Variants in PKN2 observed in about 807,000 individuals in gnomAD.
PKN2 encodes the protein protein kinase N2.
A neutral mutation model predicts 119.1 loss-of-function variants in PKN2; 38 were observed. The ratio of observed to expected loss-of-function variants is 0.32; its 90% CI spans 0.25 to 0.42. The LOEUF is 0.42. PKN2 is among the 10% of genes least tolerant of loss of function. The pLI is 1.00. For missense variants in PKN2, 850 were observed against 1,165.1 expected, an observed-to-expected ratio of 0.73 and a Z score of 3.94; for synonymous variants, 390 against 384.9, an observed-to-expected ratio of 1.01 and a Z score of -0.15.
intron 8 of PKN2, among the ~76,000 whole-genome samples, chr1:88,791,870 A>T (rs1670855655): frequency 6.6e-6 from 1 of 152,218 alleles, no homozygotes; most frequent in Non-Finnish European, 1.5e-5. Flanking sequence ...TCCCTAGAAA[A>T]GGATAAAAAT....
At chr1:88,732,298 A>T (rs1668171920) in intron 1 of PKN2, among the ~76,000 whole-genome samples, 1 of 152,236 alleles carries the variant, frequency 6.6e-6, no homozygotes, top group Admixed American at 6.5e-5. Context: ...TCAAAAAAAT[A>T]GAGAAAACAT....
At chr1:88,696,449 G>A (rs17130578) in intron 1 of PKN2, among the ~76,000 whole-genome samples, 15,431 of 152,150 alleles carry the variant, frequency 0.1, 1,513 homozygotes, top group African/African-American at 0.26. Context: ...ACTGCTTTAT[G>A]TCTCTGTATA....
intron 16 of PKN2, chr1:88,816,955 A>G (rs969054065): frequency 6.6e-5 from 10 of 152,328 alleles, no homozygotes; most frequent in African/African-American, 2.4e-4. Context: ...TTCACAGCCA[A>G]ATTCTACCAC....
chr1:88,833,532 A>G lies in PKN2; in HGVS notation c.*84A>G, dbSNP rs1437229849. On this transcript the variant is annotated 3_prime_UTR_variant, in exon 22 of 22. Coordinates refer to ENST00000370521, the MANE Select transcript of PKN2 (RefSeq NM_006256.4). ...CCTTCATTTGCTCTCTGTGCCACCA[A>G]TAGCTTCTGAGTTTTTTGTTGTTGT... 4.0e-6 allele frequency: 4 copies of G among 1,000,604 alleles called. No homozygotes were observed. The highest frequency in any genetic ancestry group is 4.8e-5 in the East Asian group (2 of 41,576). The allele number at this position is 1,000,604 out of a possible 1,614,324, so 62.0% of individuals were successfully genotyped here.
At chr1:88,768,742 T>C in intron 3 of PKN2, among the ~76,000 whole-genome samples, 1 of 152,212 alleles carries the variant, frequency 6.6e-6, no homozygotes, top group East Asian at 1.9e-4. Flanking sequence ...TAAGCAGAGG[T>C]ATGCTCTTGC....
chr1:88,745,441 A>G (rs1668733957), intron 2 of PKN2, among the ~76,000 whole-genome samples: 1 of 152,224 alleles, frequency 6.6e-6, no homozygotes, highest in South Asian at 2.1e-4. Context: ...AAATCAGCAT[A>G]CAAAAGTCAG....
chr1:88,691,471 T>G (rs535116638), intron 1 of PKN2, among the ~76,000 whole-genome samples: 2 of 152,344 alleles, frequency 1.3e-5, no homozygotes, highest in South Asian at 4.1e-4. Context: ...AGAATTTTCA[T>G]TGAACAAATT....
chr1:88,721,138 C>T (rs1340620973), intron 1 of PKN2, among the ~76,000 whole-genome samples: 1 of 151,826 alleles, frequency 6.6e-6, no homozygotes. Flanking sequence ...GGGTAGATAC[C>T]CAGTAGTGGG....
intron 15 of PKN2, among the ~76,000 whole-genome samples, chr1:88,808,214 A>AT (rs915008507): frequency 3.3e-5 from 5 of 151,818 alleles, no homozygotes; most frequent in Non-Finnish European, 7.4e-5. Context: ...TTTTCCTTTT[A>AT]TTTTTTTTAA....
At chr1:88,741,388 T>C (rs970092070) in intron 2 of PKN2, 100 bp downstream of exon 2, 1 of 740,882 alleles carries the variant, frequency 1.3e-6, no homozygotes. Context: ...GTTTTTAGCT[T>C]TTCTGAAAGT....
intron 6 of PKN2, among the ~76,000 whole-genome samples, chr1:88,774,328 G>A (rs71666204): frequency 0.033 from 4,953 of 152,232 alleles, 130 homozygotes; most frequent in Non-Finnish European, 0.056. Flanking sequence ...CTCCAGCCTT[G>A]TGCCCCTCCC....
At chr1:88,824,951 C>T (rs1274890049) in intron 18 of PKN2, among the ~76,000 whole-genome samples, 2 of 152,178 alleles carry the variant, frequency 1.3e-5, no homozygotes, top group African/African-American at 2.4e-5. Context: ...TTAGTTTTAA[C>T]CTCTTTGAGT....
chr1:88,827,227 A>T (rs1672532456), intron 18 of PKN2, among the ~76,000 whole-genome samples: 1 of 152,164 alleles, frequency 6.6e-6, no homozygotes, highest in South Asian at 2.1e-4. Context: ...TTAATAAATT[A>T]TGAGGAACAT....
chr1:88,710,630 A>G (rs1667190782), intron 1 of PKN2, among the ~76,000 whole-genome samples: 1 of 152,232 alleles, frequency 6.6e-6, no homozygotes, highest in South Asian at 2.1e-4. Context: ...CAGAATGGCT[A>G]TTACTAAAAA....
At position 88,833,553 on chromosome 1, in the gene PKN2, G is replaced by C; in HGVS notation, c.*105G>C. 1 of 827,128 alleles carries C rather than the reference G, an allele frequency of 1.2e-6. No homozygotes were observed. The highest frequency in any genetic ancestry group is 2.5e-5 in the East Asian group (1 of 39,834). 51.2% of individuals were successfully genotyped at this position (827,128 alleles called of 1,614,324 possible). The stretch of plus-strand genomic sequence containing the variant: ...ACCAATAGCTTCTGAGTTTTTTGTT[G>C]TTGTTGTTTTTATTGAAACACGTGA... On this transcript the variant is annotated 3_prime_UTR_variant, in exon 22 of 22. Transcript: ENST00000370521.
intron 1 of PKN2, among the ~76,000 whole-genome samples, chr1:88,702,527 G>C (rs1666815284): frequency 6.6e-6 from 1 of 152,042 alleles, no homozygotes; most frequent in African/African-American, 2.4e-5. Context: ...TGAGAAGGAA[G>C]GCATTGTGTT....
At chr1:88,724,359 A>G (rs746650087) in intron 1 of PKN2, among the ~76,000 whole-genome samples, 2 of 152,156 alleles carry the variant, frequency 1.3e-5, no homozygotes, top group Non-Finnish European at 2.9e-5. Context: ...TTATCCTTAT[A>G]TTAAATAGTT....
chr1:88,792,458 A>G (rs1332933706), intron 8 of PKN2, among the ~76,000 whole-genome samples: 1 of 152,122 alleles, frequency 6.6e-6, no homozygotes, highest in Non-Finnish European at 1.5e-5. Context: ...CTGGGGCTAT[A>G]TGACTTCTTT....
At chr1:88,820,929 A>T (rs1167003804) in intron 16 of PKN2, among the ~76,000 whole-genome samples, 2 of 152,230 alleles carry the variant, frequency 1.3e-5, no homozygotes, top group Admixed American at 6.5e-5. Flanking sequence ...ATGCTAATGC[A>T]TTTAGGATAA....
Sources: gnomAD v4.1 joint callset for allele counts (sites outside exome capture counted in the v4.1 genomes callset) on GRCh38, gnomAD v4.1.1 for gene constraint, MANE v1.5 for transcripts, NCBI Gene and HGNC (gene_info 2026-07-23, HGNC 2026-07-21) for gene names.